The following HS3ST3A1 variants were observed in gnomAD, a reference collection of about 807,000 sequenced individuals.
HS3ST3A1 encodes the protein heparan sulfate glucosamine 3-O-sulfotransferase 3A1.
In HS3ST3A1, 19 loss-of-function variants were observed where a neutral mutation model predicts 25.7. The ratio of observed to expected loss-of-function variants is 0.74; its 90% CI spans 0.52 to 1.08. The LOEUF is 1.08. Ranked by LOEUF, HS3ST3A1 falls within the 50% of genes least tolerant of loss-of-function variation. HS3ST3A1 has a pLI of 0.00. For missense variants in HS3ST3A1, 459 were observed against 594.3 expected (o/e 0.77, Z 2.37); for synonymous variants, 226 against 278.6 (o/e 0.81, Z 1.88).
chr17:13,594,735 T>C (rs1251627186), intron 1 of HS3ST3A1, among the ~76,000 whole-genome samples: 2 of 151,986 alleles, frequency 1.3e-5, no homozygotes, highest in South Asian at 4.2e-4. Flanking sequence ...AAAGAATAAA[T>C]TCCCTGCCTA....
At chr17:13,501,915 G>T (rs1297008916) in intron 1 of HS3ST3A1, among the ~76,000 whole-genome samples, 2 of 152,314 alleles carry the variant, frequency 1.3e-5, no homozygotes, top group African/African-American at 4.8e-5. Flanking sequence ...CCATGAGCTG[G>T]CTACATTATT....
At chr17:13,586,945 T>C (rs1908291394) in intron 1 of HS3ST3A1, among the ~76,000 whole-genome samples, 1 of 149,228 alleles carries the variant, frequency 6.7e-6, no homozygotes, top group Admixed American at 6.7e-5. Context: ...CAAGATTTCT[T>C]ACTAATAATG....
rs71144977 is a variant in HS3ST3A1 at position 13,585,186 on chromosome 17, C to CTTTTTTTTTTTT, written c.599+15333_599+15344dup. ...CAATCTAAATACTCATTTTTCTGTGCTTTTTTTTTTTTTTTTTTTTTTTTT... is the reference window on the plus strand; with the variant it reads ...CAATCTAAATACTCATTTTTCTGTGCTTTTTTTTTTTTTTTTTTTTTTTTTTTTTTTTTTTTT... On this transcript the variant is annotated intron_variant, in intron 1 of 1. Coordinates refer to ENST00000284110, the MANE Select transcript of HS3ST3A1 (RefSeq NM_006042.3). Among the ~76,000 whole-genome samples, 76 of 33,248 alleles carry CTTTTTTTTTTTT rather than the reference C, an allele frequency of 2.3e-3. 19 individuals carry two copies. Among genetic ancestry groups the CTTTTTTTTTTTT allele is most frequent in the South Asian group, 3.8e-3 (2 of 530 alleles). The allele number at this position is 33,248 out of a possible 152,430, so 21.8% of individuals were successfully genotyped here. A position where few individuals can be genotyped will look rare whatever the true frequency, so the allele number is the denominator to read the frequency against.
intron 1 of HS3ST3A1, among the ~76,000 whole-genome samples, chr17:13,537,868 T>C (rs541360800): frequency 1.3e-5 from 2 of 152,314 alleles, no homozygotes; most frequent in South Asian, 4.1e-4. Context: ...GTAGTAAAAG[T>C]AATAAGAAAT....
chr17:13,575,329 C>G (rs1372192175), intron 1 of HS3ST3A1, among the ~76,000 whole-genome samples: 1 of 152,154 alleles, frequency 6.6e-6, no homozygotes, highest in Non-Finnish European at 1.5e-5. Context: ...ACATGAAATT[C>G]TCAGCCTCAA....
At chr17:13,546,131 T>C (rs1907083256) in intron 1 of HS3ST3A1, among the ~76,000 whole-genome samples, 1 of 152,214 alleles carries the variant, frequency 6.6e-6, no homozygotes, top group Non-Finnish European at 1.5e-5. Flanking sequence ...GTCTACCACG[T>C]GGACCAACTC....
At chr17:13,589,831 C>G (rs919917238) in intron 1 of HS3ST3A1, among the ~76,000 whole-genome samples, 1 of 152,158 alleles carries the variant, frequency 6.6e-6, no homozygotes, top group African/African-American at 2.4e-5. Context: ...CAGTTAGCTC[C>G]GGGAATGTAA....
chr17:13,547,040 C>T (rs1907109021), intron 1 of HS3ST3A1, among the ~76,000 whole-genome samples: 1 of 152,178 alleles, frequency 6.6e-6, no homozygotes, highest in Non-Finnish European at 1.5e-5. Context: ...ACAGAATATA[C>T]ATTAGATTTA....
Position 13,577,626 on chromosome 17 carries a change from A to G in HS3ST3A1, c.599+22905T>C, listed in dbSNP as rs9891186. 9.0e-3 allele frequency among the ~76,000 whole-genome samples: 1,364 copies of G among 152,330 alleles called. 17 individuals are homozygous for G. Among genetic ancestry groups the G allele is most frequent in the African/African-American group, 0.031 (1,292 of 41,564 alleles). On this transcript the variant is annotated intron_variant, in intron 1 of 1. Coordinates refer to ENST00000284110, the MANE Select transcript of HS3ST3A1 (RefSeq NM_006042.3). ...TAATACAACTGTAGGCTTGGAGGAA[A>G]CCAACAGAAATCACCAAATTTGACA...
At chr17:13,535,704 T>G (rs1208257377) in intron 1 of HS3ST3A1, among the ~76,000 whole-genome samples, 1 of 152,126 alleles carries the variant, frequency 6.6e-6, no homozygotes, top group Non-Finnish European at 1.5e-5. Context: ...CCAAATATAT[T>G]GGGATGTCTG....
chr17:13,537,604 C>T (rs180721312), intron 1 of HS3ST3A1, among the ~76,000 whole-genome samples: 4 of 152,120 alleles, frequency 2.6e-5, no homozygotes, highest in African/African-American at 4.8e-5. Context: ...AAATGTATTG[C>T]GCCTATAATT....
chr17:13,561,013 C>G (rs1342225575), intron 1 of HS3ST3A1, among the ~76,000 whole-genome samples: 2 of 152,202 alleles, frequency 1.3e-5, no homozygotes, highest in Non-Finnish European at 2.9e-5. Flanking sequence ...GCTTCCATCT[C>G]CCTCATTTCT....
In HS3ST3A1 at chr17:13,600,986, G is replaced by T; in HGVS notation, c.144C>A (p.Thr48=). 6.4e-7 allele frequency: 1 copy of T among 1,568,774 alleles called. No individual in the cohort carries two copies. Among genetic ancestry groups the T allele is most frequent in the Non-Finnish European group, 8.6e-7 (1 of 1,157,460 alleles). Residue 48 remains threonine, a synonymous_variant, in exon 1 of 2, where the codon ACC becomes ACA. Transcript: ENST00000284110. ...VFYCLAERCQ[T]LSGPVVGLSG... ...ACAGCCCCACGACGGGGCCGGACAG[G>T]GTCTGGCAGCGCTCGGCCAGGCAGT...
At position 13,511,716 on chromosome 17, in the gene HS3ST3A1, G is replaced by C. The variant is rs1033899664; in HGVS notation, c.600-14898C>G. 2.0e-5 allele frequency among the ~76,000 whole-genome samples: 3 copies of C among 151,320 alleles called. No individual in the cohort carries two copies. In the East Asian group the frequency reaches 5.8e-4, roughly 29 times the overall value. Reference sequence around the variant, plus strand: ...TCTTTCTAGTGGCAACTAGATGGATGTTAAAAGCTAGAATGGAGAACAGTT... The same window carrying C: ...TCTTTCTAGTGGCAACTAGATGGATCTTAAAAGCTAGAATGGAGAACAGTT... On this transcript the variant is annotated intron_variant, in intron 1 of 1. Coordinates refer to ENST00000284110, the MANE Select transcript of HS3ST3A1 (RefSeq NM_006042.3).
At chr17:13,527,790 T>C (rs1038172155) in intron 1 of HS3ST3A1, among the ~76,000 whole-genome samples, 30 of 152,218 alleles carry the variant, frequency 2.0e-4, no homozygotes, top group African/African-American at 7.0e-4. Flanking sequence ...GATCTGGCTT[T>C]GTGGAGTTTA....
intron 1 of HS3ST3A1, among the ~76,000 whole-genome samples, chr17:13,574,134 CT>C (rs557193269): frequency 0.041 from 5,177 of 125,908 alleles, 235 homozygotes; most frequent in African/African-American, 0.15. Flanking sequence ...CCATATCACT[CT>C]TTTTTTTTTT....
chr17:13,509,524 G>A (rs1206661289), intron 1 of HS3ST3A1, among the ~76,000 whole-genome samples: 3 of 152,162 alleles, frequency 2.0e-5, no homozygotes, highest in Admixed American at 1.3e-4. Context: ...AATTAAGTTA[G>A]TTAGGATCTA....
intron 1 of HS3ST3A1, among the ~76,000 whole-genome samples, chr17:13,507,269 C>A (rs761860638): frequency 5.3e-5 from 8 of 152,130 alleles, no homozygotes; most frequent in Non-Finnish European, 1.0e-4. Context: ...TGTATTATTT[C>A]TTGAGTCTCA....
At chr17:13,502,490 T>C (rs948918686) in intron 1 of HS3ST3A1, among the ~76,000 whole-genome samples, 1 of 152,102 alleles carries the variant, frequency 6.6e-6, no homozygotes, top group Non-Finnish European at 1.5e-5. Flanking sequence ...CAAGAAAGAA[T>C]AAAAAGAACT....
Sources: allele counts gnomAD v4.1 joint callset (sites outside exome capture counted in the v4.1 genomes callset), GRCh38; gene constraint gnomAD v4.1.1; transcripts MANE v1.5; gene names NCBI Gene and HGNC (gene_info 2026-07-23, HGNC 2026-07-21).